THAP6: variants seen among roughly 807,000 people sequenced by gnomAD.
THAP6 encodes the protein THAP domain containing 6.
THAP6 carries 13 observed loss-of-function variants against 20.0 expected under a neutral mutation model. The observed-to-expected ratio is 0.65, with a 90% CI of 0.42 to 1.03. The LOEUF is 1.03. Among genes scored for constraint, THAP6 ranks in the 50% least tolerant of loss-of-function variants. The pLI is 0.00. For synonymous variants in THAP6, 93 were observed against 92.2 expected, an observed-to-expected ratio of 1.01 and a Z score of -0.05; for missense variants, 262 against 261.6, an observed-to-expected ratio of 1.00 and a Z score of -0.01.
chr4:75,517,016 C>CT (rs34218401), intron 3 of THAP6, 37 bp downstream of exon 3: 239,301 of 891,138 alleles, frequency 0.27, 11,276 homozygotes, highest in African/African-American at 0.43. Flanking sequence ...TCATTGCTCA[C>CT]TTTTTTTTTT....
rs530474297 is a variant in THAP6, at chr4:75,515,825, G to A, written c.80+293G>A. 1.2e-4 allele frequency among the ~76,000 whole-genome samples: 18 copies of A among 152,320 alleles called. No homozygotes were observed. The South Asian group carries it at 3.7e-3, about 32-fold the overall frequency. ...TATCACACCGCCAAAGAAATTCAATGTTGTTTACATGTAGTTTACAATCTG... is the reference window on the plus strand; with the variant it reads ...TATCACACCGCCAAAGAAATTCAATATTGTTTACATGTAGTTTACAATCTG... On this transcript the variant is annotated intron_variant, in intron 2 of 4. Coordinates refer to ENST00000311638, the MANE Select transcript of THAP6 (RefSeq NM_144721.6).
At chr4:75,535,788 T>C (rs896016546) in intron 2 of THAP6, among the ~76,000 whole-genome samples, 1 of 152,192 alleles carries the variant, frequency 6.6e-6, no homozygotes, top group African/African-American at 2.4e-5. Flanking sequence ...TGGGTAAAGA[T>C]GGAAAATCAG....
At position 75,527,252 on chromosome 4, in the gene THAP6, G is replaced by T; in HGVS notation, c.*38G>T. On this transcript the variant is annotated 3_prime_UTR_variant, in exon 5 of 5. Coordinates refer to ENST00000311638, the MANE Select transcript of THAP6 (RefSeq NM_144721.6). ...TTACGTTCCACCTAAAATTGTCATT[G>T]GTACAAATTTTTATAAAATCTCATT... is the stretch of plus-strand genomic sequence containing the variant. The T allele has an allele frequency of 6.4e-7, 1 of 1,573,672 alleles. No individual in the cohort carries two copies. The highest frequency in any genetic ancestry group is 1.2e-5 in the South Asian group (1 of 85,600).
At chr4:75,539,728 T>C in intron 2 of THAP6, 1 of 1,376,406 alleles carries the variant, frequency 7.3e-7, no homozygotes, top group African/African-American at 1.5e-5. Context: ...CTCTGAGCAC[T>C]TACAAAGTAG....
chr4:75,531,025 A>G (rs1016693160), downstream of THAP6, among the ~76,000 whole-genome samples: 8 of 152,222 alleles, frequency 5.3e-5, no homozygotes, highest in African/African-American at 1.9e-4. Flanking sequence ...ATGAGTTAAC[A>G]TAGGCATGAA....
At chr4:75,541,132 A>T (rs559092913) in intron 2 of THAP6, among the ~76,000 whole-genome samples, 1 of 152,228 alleles carries the variant, frequency 6.6e-6, no homozygotes, top group South Asian at 2.1e-4. Flanking sequence ...CATTTTAGTA[A>T]GTTATTTTTA....
At chr4:75,524,019 A>G (rs1726207957) in intron 4 of THAP6, among the ~76,000 whole-genome samples, 1 of 151,960 alleles carries the variant, frequency 6.6e-6, no homozygotes, top group African/African-American at 2.4e-5. Context: ...TATTGAAGAG[A>G]CTGTCTTTTC....
intron 4 of THAP6, 34 bp from the exon 5 acceptor site, chr4:75,526,922 ATCTG>A: frequency 1.9e-6 from 3 of 1,600,278 alleles, no homozygotes; most frequent in Non-Finnish European, 8.5e-7. Context: ...CCAACTACAT[ATCTG>A]TCTGATTTAA....
chr4:75,515,503 T>C lies in THAP6; in HGVS notation c.51T>C (p.Asn17=). 6.2e-7 allele frequency: 1 copy of C among 1,614,042 alleles called. No homozygotes were observed. Among genetic ancestry groups the C allele is most frequent in the Non-Finnish European group, 8.5e-7 (1 of 1,179,888 alleles). Residue 17 remains asparagine, a synonymous_variant, in exon 2 of 5, where the codon AAT becomes AAC. Coordinates refer to ENST00000311638, the MANE Select transcript of THAP6 (RefSeq NM_144721.6). ...AIGCASRCLP[N]SKLKGLTFHV... The stretch of plus-strand genomic sequence containing the variant: ...GATGTGCTTCTCGCTGCTTGCCAAA[T>C]TCGAAGTTAAAAGGACTGACATTTC...
At chr4:75,525,260 A>C (rs1312334658) in intron 4 of THAP6, among the ~76,000 whole-genome samples, 1 of 151,996 alleles carries the variant, frequency 6.6e-6, no homozygotes, top group African/African-American at 2.4e-5. Context: ...AGGAATTCTA[A>C]TTATGTGTAT....
intron 3 of THAP6, among the ~76,000 whole-genome samples, chr4:75,519,233 A>G (rs1330845165): frequency 2.0e-5 from 3 of 151,818 alleles, no homozygotes; most frequent in Non-Finnish European, 4.4e-5. Flanking sequence ...TGCATTGTAC[A>G]ATTTCTTCAT....
chr4:75,535,241 A>G (rs189380288), intron 2 of THAP6, among the ~76,000 whole-genome samples: 2 of 152,354 alleles, frequency 1.3e-5, no homozygotes, highest in East Asian at 3.9e-4. Flanking sequence ...ATGGGGAACT[A>G]CAAGATGAAA....
chr4:75,515,626 C>T (rs1725538997), intron 2 of THAP6, 94 bp downstream of exon 2: 1 of 1,174,328 alleles, frequency 8.5e-7, no homozygotes, highest in African/African-American at 1.5e-5. Flanking sequence ...AACTTTAGTT[C>T]CCGAGTCCTT....
chr4:75,546,673 G>A (rs1228545668), intron 3 of THAP6, among the ~76,000 whole-genome samples: 1 of 152,144 alleles, frequency 6.6e-6, no homozygotes, highest in Non-Finnish European at 1.5e-5. Context: ...AAAATCTACA[G>A]GGTAGGCCAG....
downstream of THAP6, among the ~76,000 whole-genome samples, chr4:75,531,066 G>A (rs1578277137): frequency 6.6e-6 from 1 of 152,230 alleles, no homozygotes; most frequent in African/African-American, 2.4e-5. Context: ...CTGCAAGGTT[G>A]CAAGGTTAGT....
intron 3 of THAP6, among the ~76,000 whole-genome samples, chr4:75,543,640 G>T (rs1296958611): frequency 6.6e-6 from 1 of 152,182 alleles, no homozygotes; most frequent in African/African-American, 2.4e-5. Flanking sequence ...GATTACAGCC[G>T]ATTCCTGGAA....
chr4:75,523,946 G>A (rs1004206096), intron 4 of THAP6, among the ~76,000 whole-genome samples: 1 of 151,966 alleles, frequency 6.6e-6, no homozygotes, highest in Admixed American at 6.6e-5. Context: ...TTTGTATATT[G>A]TAAGAAGTAG....
At chr4:75,545,271 A>T (rs1166266379) in intron 3 of THAP6, among the ~76,000 whole-genome samples, 1 of 152,080 alleles carries the variant, frequency 6.6e-6, no homozygotes, top group Non-Finnish European at 1.5e-5. Context: ...TCTGTTTCAA[A>T]CCATCGATGA....
intron 4 of THAP6, among the ~76,000 whole-genome samples, chr4:75,526,188 T>C (rs927174866): frequency 6.6e-6 from 1 of 152,198 alleles, no homozygotes; most frequent in African/African-American, 2.4e-5. Flanking sequence ...CTGTCCACAA[T>C]AGCTGCTGTC....
Sources: allele counts gnomAD v4.1 joint callset (sites outside exome capture counted in the v4.1 genomes callset), GRCh38; gene constraint gnomAD v4.1.1; transcripts MANE v1.5; gene names NCBI Gene and HGNC (gene_info 2026-07-23, HGNC 2026-07-21).